Variants in FBXL19 observed in about 807,000 individuals in gnomAD.
The protein encoded by FBXL19 is F-box/LRR-repeat protein 19.
Under a neutral mutation model 71.2 loss-of-function variants are expected in FBXL19, and 16 were observed. That is an observed-to-expected ratio of 0.22 (90% CI 0.15 to 0.34). FBXL19 has a LOEUF of 0.34. Among genes scored for constraint, FBXL19 ranks in the 10% least tolerant of loss-of-function variants. The pLI, the probability that FBXL19 is intolerant of heterozygous loss-of-function variation, is 1.00. For missense variants in FBXL19, 658 were observed against 968.2 expected, an observed-to-expected ratio of 0.68 and a Z score of 4.25; for synonymous variants, 447 against 409.4, an observed-to-expected ratio of 1.09 and a Z score of -1.11.
intron 2 of FBXL19, 31 bp from the exon 3 acceptor site, chr16:30,927,277 G>T (rs751070040): frequency 1.3e-6 from 2 of 1,529,934 alleles, no homozygotes; most frequent in East Asian, 2.4e-5. Context: ...GTTAGCTTTC[G>T]GGGCCCCTGA....
At chr16:30,938,382 T>A (rs1191200952) in intron 7 of FBXL19, among the ~76,000 whole-genome samples, 1 of 152,064 alleles carries the variant, frequency 6.6e-6, no homozygotes, top group African/African-American at 2.4e-5. Context: ...TAAGCATACC[T>A]GTGGTCCCAG....
Position 30,923,921 on chromosome 16 carries a change from G to C in FBXL19, c.-563G>C, listed in dbSNP as rs1283664300. Among the ~76,000 whole-genome samples the C allele has an allele frequency of 6.6e-6, 1 of 151,162 alleles. No homozygotes were observed. The highest frequency in any genetic ancestry group is 1.5e-5 in the Non-Finnish European group (1 of 67,482). On this transcript the variant is annotated 5_prime_UTR_variant, in exon 1 of 11. Coordinates refer to ENST00000338343, the MANE Select transcript of FBXL19 (RefSeq NM_001382779.1). ...GGGTCGCAGTCCAGGGGCGGGCCCA[G>C]GGGAGGGGGGCAGGTTACAGCGACC... is the stretch of plus-strand genomic sequence containing the variant.
chr16:30,946,845 C>T lies in FBXL19; in HGVS notation c.1743C>T (p.Ala581=). The T allele has an allele frequency of 6.2e-7, 1 of 1,612,284 alleles. No individual in the cohort carries two copies. The change falls in exon 10 of 11, where the codon GCC becomes GCT. Residue 581 remains alanine, a synonymous_variant. Transcript: ENST00000338343. The surrounding 1 kb of genome is among the most constrained non-coding windows in gnomAD (Gnocchi z 6.7). ...LLLRHAPQLS[A]LDLSHCAHVG... Reference sequence around the variant, plus strand: ...TGCGTCACGCACCCCAGCTGAGCGCCCTGGACCTGAGCCACTGCGCCCACG... The same window carrying T: ...TGCGTCACGCACCCCAGCTGAGCGCTCTGGACCTGAGCCACTGCGCCCACG...
rs2055883895 is a variant in FBXL19, at chr16:30,948,126, A to G, written c.*896A>G. 4.5e-6 allele frequency: 1 copy of G among 223,766 alleles called. No homozygotes were observed. The highest frequency in any genetic ancestry group is 9.2e-6 in the Non-Finnish European group (1 of 108,794). 13.9% of individuals were successfully genotyped at this position (223,766 alleles called of 1,614,324 possible). A position where few individuals can be genotyped will look rare whatever the true frequency, so the allele number is the denominator to read the frequency against. On this transcript the variant is annotated 3_prime_UTR_variant, in exon 11 of 11. Transcript: ENST00000338343. ...CCTGAGACCGGGCCGGTGGGCGCCC[A>G]TTTGGGACTGCGCCACCCCCAGGCT...
chr16:30,931,693 G>A (rs1259571812), intron 7 of FBXL19, among the ~76,000 whole-genome samples: 1 of 152,100 alleles, frequency 6.6e-6, no homozygotes, highest in Non-Finnish European at 1.5e-5. Flanking sequence ...CAGAGTGCAG[G>A]CTCTGGAGGC....
chr16:30,941,293 T>C (rs907296155), intron 7 of FBXL19, among the ~76,000 whole-genome samples: 2 of 151,942 alleles, frequency 1.3e-5, no homozygotes, highest in African/African-American at 4.8e-5. Flanking sequence ...CTAGGCAACA[T>C]AGTGAGACCC....
In FBXL19 at chr16:30,942,624, G is replaced by A; in HGVS notation, c.1627+88G>A. ...AGGTCTCTTCTGACTCATGCTGGAT[G>A]GTAAAGTATTTGAAGAAAGGAAAGA... is the stretch of plus-strand genomic sequence containing the variant. On this transcript the variant is annotated intron_variant, in intron 9 of 10. Coordinates refer to ENST00000338343, the MANE Select transcript of FBXL19 (RefSeq NM_001382779.1). The surrounding 1 kb of genome is among the most constrained non-coding windows in gnomAD (Gnocchi z 5.7). 7.0e-7 allele frequency: 1 copy of A among 1,438,566 alleles called. No individual in the cohort carries two copies. The highest frequency in any genetic ancestry group is 9.1e-7 in the Non-Finnish European group (1 of 1,097,318). The allele number at this position is 1,438,566 out of a possible 1,614,324, so 89.1% of individuals were successfully genotyped here.
Position 30,930,378 on chromosome 16 carries a change from C to T in FBXL19, c.1095C>T (p.Pro365=), listed in dbSNP as rs1282508583. ...GTGGGGGGCCCCTACTCAGCTGGCC[C>T]CTGGGCCCAGCCCCACCACCCCGGC... is the stretch of plus-strand genomic sequence containing the variant. ...PGSGGPLLSW[P]LGPAPPPRPP... Residue 365 remains proline (P), a synonymous_variant, in exon 7 of 11, where the codon CCC becomes CCT. Coordinates refer to ENST00000338343, the MANE Select transcript of FBXL19 (RefSeq NM_001382779.1). The surrounding 1 kb of genome is among the most constrained non-coding windows in gnomAD (Gnocchi z 8.5). 2 of 1,547,952 alleles carry T rather than the reference C, an allele frequency of 1.3e-6. No homozygotes were observed. The highest frequency in any genetic ancestry group is 1.7e-6 in the Non-Finnish European group (2 of 1,152,736).
In FBXL19 at chr16:30,927,666, G is replaced by T; in HGVS notation, c.408+7G>T. On this transcript the variant is annotated splice_region_variant and intron_variant, in intron 4 of 10. Coordinates refer to ENST00000338343, the MANE Select transcript of FBXL19 (RefSeq NM_001382779.1). ...GGAAGGCCGCACCAGCAAGGTAGGG[G>T]CTGGGCTGGGCTGAGCTGTGGGTAG... The T allele has an allele frequency of 6.4e-7, 1 of 1,563,286 alleles. No homozygotes were observed. Among genetic ancestry groups the T allele is most frequent in the South Asian group, 1.2e-5 (1 of 84,894 alleles).
chr16:30,947,105 C>T lies in FBXL19; in HGVS notation c.1900C>T (p.Leu634=), dbSNP rs1474650508. The stretch of plus-strand genomic sequence containing the variant: ...CCCGCTGTTCCGCCGCTGCCCTCGT[C>T]TACGCCGCCTAGACCTGCGCTCCTG... ...CLPLFRRCPR[L]RRLDLRSCRQ... The change falls in exon 11 of 11, where the codon CTA becomes TTA. Residue 634 remains leucine, a synonymous_variant. Transcript: ENST00000338343. 1 of 1,598,766 alleles carries T rather than the reference C, an allele frequency of 6.3e-7. No homozygotes were observed. The highest frequency in any genetic ancestry group is 1.3e-5 in the African/African-American group (1 of 74,864).
rs375264313 is a variant in FBXL19 at position 30,942,231 on chromosome 16, A to G, written c.1417A>G (p.Thr473Ala). Residue 473 changes from threonine (T) to alanine (A), a missense_variant, in exon 8 of 11, where the codon ACA becomes GCA. Coordinates refer to ENST00000338343, the MANE Select transcript of FBXL19 (RefSeq NM_001382779.1). The surrounding 1 kb of genome is among the most constrained non-coding windows in gnomAD (Gnocchi z 5.7). ...RQPRALDLSW[T>A]GVSKKQLMWL... ...GCCCCGTGCCCTGGACCTCAGCTGG[A>G]CAGGTGTCTCCAAGAAGCAGCTCAT... 1.3e-6 allele frequency: 2 copies of G among 1,594,108 alleles called. No homozygotes were observed. Among genetic ancestry groups the G allele is most frequent in the African/African-American group, 2.7e-5 (2 of 74,488 alleles).
rs750724415 is a variant in FBXL19 at position 30,925,356 on chromosome 16, CAG to C, written c.-24-374_-24-373del. On this transcript the variant is annotated intron_variant, in intron 1 of 10. Transcript: ENST00000338343. The surrounding 1 kb of genome is among the most constrained non-coding windows in gnomAD (Gnocchi z 5.0). ...CCTGGGATATTCTACACTCGGATAA[CAG>C]GGGAAGAGTTGGGATCTCTCCAAGC... Among the ~76,000 whole-genome samples, 54 of 152,036 alleles carry C rather than the reference CAG, an allele frequency of 3.6e-4. No individual in the cohort carries two copies. Among genetic ancestry groups the C allele is most frequent in the Non-Finnish European group, 6.9e-4 (47 of 67,982 alleles).
rs947637025 is a variant in FBXL19, at chr16:30,930,243, G to A, written c.960G>A (p.Ser320=). Residue 320 remains serine (S), a synonymous_variant, in exon 7 of 11, where the codon TCG becomes TCA. Transcript: ENST00000338343. The surrounding 1 kb of genome is among the most constrained non-coding windows in gnomAD (Gnocchi z 8.5). The part of the protein sequence containing the change: ...SDSDSDSSGT[S]LSEDEAPGEA... ...CCGACTCCGACTCTTCGGGCACATC[G>A]CTGAGTGAGGACGAAGCCCCCGGCG... 4 of 1,612,822 alleles carry A rather than the reference G, an allele frequency of 2.5e-6. No individual in the cohort carries two copies. The highest frequency in any genetic ancestry group is 3.4e-6 in the Non-Finnish European group (4 of 1,179,872).
At position 30,942,105 on chromosome 16, in the gene FBXL19, A is replaced by G. The variant is rs901477417; in HGVS notation, c.1302-11A>G. The G allele has an allele frequency of 5.8e-6, 9 of 1,559,860 alleles. No homozygotes were observed. Among genetic ancestry groups the G allele is most frequent in the Middle Eastern group, 1.7e-4 (1 of 5,782 alleles). ...GGGCTGAGGTCTCTGTCTCCCCCCTATGGCCGCCAGGTGCTATGACAAGCG... is the reference window on the plus strand; with the variant it reads ...GGGCTGAGGTCTCTGTCTCCCCCCTGTGGCCGCCAGGTGCTATGACAAGCG... On this transcript the variant is annotated splice_polypyrimidine_tract_variant and intron_variant, in intron 7 of 10. Transcript: ENST00000338343. The surrounding 1 kb of genome is among the most constrained non-coding windows in gnomAD (Gnocchi z 5.7).
intron 3 of FBXL19, 41 bp downstream of exon 3, chr16:30,927,492 T>A (rs1354525415): frequency 3.2e-6 from 5 of 1,566,902 alleles, no homozygotes; most frequent in Non-Finnish European, 4.3e-6. Context: ...TGGGGCAGAT[T>A]GTCAGGGAGC....
Position 30,947,763 on chromosome 16 carries a change from G to A in FBXL19, c.*533G>A. ...GGTAGGGGAACCAGGGGCAAGCTGG[G>A]GCTGAGCTGGAGGTGGGGATGAGAG... On this transcript the variant is annotated 3_prime_UTR_variant, in exon 11 of 11. Coordinates refer to ENST00000338343, the MANE Select transcript of FBXL19 (RefSeq NM_001382779.1). 2.5e-6 allele frequency: 1 copy of A among 399,418 alleles called. No homozygotes were observed. The highest frequency in any genetic ancestry group is 5.0e-6 in the Non-Finnish European group (1 of 200,798). 24.7% of individuals were successfully genotyped at this position (399,418 alleles called of 1,614,324 possible).
chr16:30,924,713 A>T, intron 1 of FBXL19: 1 of 1,489,702 alleles, frequency 6.7e-7, no homozygotes, highest in Non-Finnish European at 8.9e-7. Context: ...GGAGCGCTGG[A>T]GGGCCCCTTA....
chr16:30,947,292 C>G lies in FBXL19; in HGVS notation c.*62C>G, dbSNP rs1250506902. The G allele has an allele frequency of 2.2e-6, 3 of 1,386,114 alleles. No individual in the cohort carries two copies. Among genetic ancestry groups the G allele is most frequent in the East Asian group, 4.9e-5 (2 of 40,564 alleles). The allele number at this position is 1,386,114 out of a possible 1,614,324, so 85.9% of individuals were successfully genotyped here. ...GCCTGGACCTCCGGCTTCATTTCAC[C>G]CCTGCTGGGAGGCCAGGTTCCCACC... On this transcript the variant is annotated 3_prime_UTR_variant, in exon 11 of 11. Transcript: ENST00000338343.
intron 7 of FBXL19, among the ~76,000 whole-genome samples, chr16:30,933,200 A>G (rs918960985): frequency 1.3e-5 from 2 of 151,858 alleles, no homozygotes; most frequent in Non-Finnish European, 2.9e-5. Flanking sequence ...ACAGGGTTTC[A>G]CCATGTTGGT....
Sources: allele counts gnomAD v4.1 joint callset (sites outside exome capture counted in the v4.1 genomes callset), GRCh38; gene constraint gnomAD v4.1.1; non-coding constraint Gnocchi (gnomAD v3.1); transcripts MANE v1.5; gene names NCBI Gene and HGNC (gene_info 2026-07-23, HGNC 2026-07-21).